SNTG1: variants seen among roughly 807,000 people sequenced by gnomAD.
The protein encoded by SNTG1 is gamma-1-syntrophin.
Under a neutral mutation model 74.7 loss-of-function variants are expected in SNTG1, and 39 were observed. That is an observed-to-expected ratio of 0.52 (90% CI 0.40 to 0.68). The LOEUF (loss-of-function observed/expected upper bound fraction) is 0.68. SNTG1 is among the 30% of genes least tolerant of loss of function. The pLI is 0.00. For synonymous variants in SNTG1, 254 were observed against 217.1 expected, an observed-to-expected ratio of 1.17 and a Z score of -1.49; for missense variants, 685 against 609.5, an observed-to-expected ratio of 1.12 and a Z score of -1.30.
chr8:50,537,829 A>G (rs535909422), intron 11 of SNTG1, among the ~76,000 whole-genome samples: 19 of 152,324 alleles, frequency 1.2e-4, no homozygotes, highest in Admixed American at 1.2e-3. Flanking sequence ...GCCATATACA[A>G]TATATAAATA....
intron 2 of SNTG1, among the ~76,000 whole-genome samples, chr8:50,225,968 T>C (rs935710432): frequency 6.6e-6 from 1 of 152,226 alleles, no homozygotes; most frequent in Non-Finnish European, 1.5e-5. Context: ...TTGTTAATTA[T>C]GTACACATAT....
intron 1 of SNTG1, among the ~76,000 whole-genome samples, chr8:49,954,529 A>G (rs1383235157): frequency 6.6e-6 from 1 of 152,184 alleles, no homozygotes; most frequent in African/African-American, 2.4e-5. Context: ...ACTTGAAAGA[A>G]CCAGAAACTG....
chr8:50,734,421 A>G (rs936675403), intron 17 of SNTG1, among the ~76,000 whole-genome samples: 1 of 151,580 alleles, frequency 6.6e-6, no homozygotes, highest in African/African-American at 2.4e-5. Flanking sequence ...TTTTTAAATG[A>G]AATTCTATAT....
chr8:50,244,856 G>A (rs2086321940), intron 2 of SNTG1, among the ~76,000 whole-genome samples: 1 of 152,134 alleles, frequency 6.6e-6, no homozygotes. Flanking sequence ...TATTTCAAGT[G>A]TATTATCCTA....
intron 18 of SNTG1, among the ~76,000 whole-genome samples, 164 bp from the exon 19 acceptor site, chr8:50,792,507 G>A (rs1361980526): frequency 6.6e-6 from 1 of 151,598 alleles, no homozygotes; most frequent in African/African-American, 2.4e-5. Context: ...TACTTACGAT[G>A]TTTACACGTT....
chr8:50,773,377 T>C (rs1394439142), intron 18 of SNTG1, among the ~76,000 whole-genome samples: 2 of 152,080 alleles, frequency 1.3e-5, no homozygotes, highest in African/African-American at 4.8e-5. Context: ...AAACTCTCAG[T>C]TCTGGCTAGC....
intron 18 of SNTG1, among the ~76,000 whole-genome samples, chr8:50,782,291 G>T (rs978065026): frequency 5.3e-5 from 8 of 152,210 alleles, no homozygotes; most frequent in Admixed American, 5.2e-4. Context: ...ATAATATCCT[G>T]CAGAGTGTTT....
At chr8:50,395,003 C>A (rs1329081967) in intron 3 of SNTG1, among the ~76,000 whole-genome samples, 1 of 151,996 alleles carries the variant, frequency 6.6e-6, no homozygotes, top group African/African-American at 2.4e-5. Flanking sequence ...CAAAAACCAA[C>A]CATAACTGCT....
At chr8:50,703,587 T>C (rs963203810) in intron 15 of SNTG1, among the ~76,000 whole-genome samples, 3 of 152,076 alleles carry the variant, frequency 2.0e-5, no homozygotes, top group Non-Finnish European at 2.9e-5. Flanking sequence ...GTAAATACAG[T>C]AATATTTACT....
At chr8:50,329,608 C>T (rs2090883370) in intron 2 of SNTG1, among the ~76,000 whole-genome samples, 1 of 152,040 alleles carries the variant, frequency 6.6e-6, no homozygotes, top group African/African-American at 2.4e-5. Flanking sequence ...GCACGAGATC[C>T]CAAGGCTACA....
At chr8:50,282,852 C>T (rs531691943) in intron 2 of SNTG1, among the ~76,000 whole-genome samples, 1 of 152,128 alleles carries the variant, frequency 6.6e-6, no homozygotes, top group Non-Finnish European at 1.5e-5. Context: ...GACATTCCAT[C>T]CAATCCTTGG....
At chr8:50,023,192 G>T (rs1447404880) in intron 1 of SNTG1, among the ~76,000 whole-genome samples, 1 of 152,068 alleles carries the variant, frequency 6.6e-6, no homozygotes, top group African/African-American at 2.4e-5. Context: ...AGGGACAGAT[G>T]GAAGAGACGG....
chr8:50,601,613 A>G (rs1005289115), intron 13 of SNTG1, among the ~76,000 whole-genome samples: 1 of 152,228 alleles, frequency 6.6e-6, no homozygotes, highest in Non-Finnish European at 1.5e-5. Flanking sequence ...TGGATGAAAT[A>G]TTCTGTAAAT....
intron 1 of SNTG1, among the ~76,000 whole-genome samples, chr8:50,156,011 G>A (rs751433413): frequency 4.6e-5 from 7 of 151,798 alleles, no homozygotes; most frequent in Non-Finnish European, 8.8e-5. Flanking sequence ...GAAAAAAAGG[G>A]CAAATGAAAT....
chr8:50,218,235 G>T (rs2084890658), intron 2 of SNTG1, among the ~76,000 whole-genome samples: 1 of 152,156 alleles, frequency 6.6e-6, no homozygotes, highest in Non-Finnish European at 1.5e-5. Flanking sequence ...TGAGCATAGG[G>T]ATGGTTGTAG....
At chr8:49,946,837 G>A (rs1350582264) in intron 1 of SNTG1, among the ~76,000 whole-genome samples, 1 of 152,064 alleles carries the variant, frequency 6.6e-6, no homozygotes, top group Non-Finnish European at 1.5e-5. Context: ...CTTCTAGTTG[G>A]ATTCAAATTC....
At chr8:50,562,512 G>A (rs2094494377) in intron 12 of SNTG1, among the ~76,000 whole-genome samples, 1 of 152,172 alleles carries the variant, frequency 6.6e-6, no homozygotes, top group African/African-American at 2.4e-5. Flanking sequence ...AGAGCCTCCA[G>A]AAAGCAGCAC....
At chr8:50,198,817 A>G (rs903435100) in intron 2 of SNTG1, among the ~76,000 whole-genome samples, 5 of 151,906 alleles carry the variant, frequency 3.3e-5, no homozygotes, top group Admixed American at 1.3e-4. Context: ...TGGCATCACA[A>G]TCATTAGGAG....
intron 13 of SNTG1, among the ~76,000 whole-genome samples, chr8:50,613,060 TGAA>T (rs796590958): frequency 6.6e-6 from 1 of 152,076 alleles, no homozygotes; most frequent in Admixed American, 6.6e-5. Flanking sequence ...ACTTACTAAT[TGAA>T]GAAGAAGGAG....
Sources: allele counts gnomAD v4.1 joint callset (sites outside exome capture counted in the v4.1 genomes callset), GRCh38; gene constraint gnomAD v4.1.1; transcripts MANE v1.5; gene names NCBI Gene and HGNC (gene_info 2026-07-23, HGNC 2026-07-21).